Variants in PTPRO observed in about 807,000 individuals in gnomAD.
PTPRO encodes receptor-type tyrosine-protein phosphatase O.
Under a neutral mutation model 145.2 loss-of-function variants are expected in PTPRO, and 62 were observed. That is an observed-to-expected ratio of 0.43 (90% CI 0.35 to 0.53). The LOEUF (loss-of-function observed/expected upper bound fraction) is 0.53. Ranked by LOEUF, PTPRO falls within the 20% of genes least tolerant of loss-of-function variation. The probability of loss-of-function intolerance (pLI) is 0.01; values close to 1 mark genes in which losing one functional copy is unlikely to be tolerated. For missense variants in PTPRO, 1,345 were observed against 1,482.7 expected (o/e 0.91, Z 1.53); for synonymous variants, 565 against 514.7 (o/e 1.10, Z -1.32).
chr12:15,461,340 A>G (rs935942312), intron 1 of PTPRO, among the ~76,000 whole-genome samples: 2 of 152,146 alleles, frequency 1.3e-5, no homozygotes, highest in Non-Finnish European at 2.9e-5. Context: ...AATGTATTTG[A>G]TTGAAGCCTC....
intron 1 of PTPRO, among the ~76,000 whole-genome samples, chr12:15,398,409 C>T (rs952845691): frequency 2.0e-5 from 3 of 151,314 alleles, no homozygotes; most frequent in Non-Finnish European, 2.9e-5. Flanking sequence ...ACCTTCTGAG[C>T]GCAGTGGAGA....
At chr12:15,342,878 G>A (rs1250374605) in intron 1 of PTPRO, among the ~76,000 whole-genome samples, 1 of 152,122 alleles carries the variant, frequency 6.6e-6, no homozygotes, top group Admixed American at 6.5e-5. Context: ...ATAGGTTTCT[G>A]GAATTTCAGT....
intron 1 of PTPRO, among the ~76,000 whole-genome samples, chr12:15,329,810 T>C (rs983388586): frequency 9.2e-5 from 14 of 152,198 alleles, no homozygotes; most frequent in Admixed American, 9.2e-4. Context: ...TGTGGGCTGC[T>C]AGAGGAGAGA....
chr12:15,482,616 C>G (rs144644688), intron 1 of PTPRO, among the ~76,000 whole-genome samples: 1 of 152,108 alleles, frequency 6.6e-6, no homozygotes, highest in African/African-American at 2.4e-5. Flanking sequence ...ATATATGTAT[C>G]AAAATATCAC....
chr12:15,589,942 A>G (rs1301692962), intron 25 of PTPRO, among the ~76,000 whole-genome samples: 1 of 152,164 alleles, frequency 6.6e-6, no homozygotes, highest in Non-Finnish European at 1.5e-5. Flanking sequence ...TTTGATTTAT[A>G]TTTGAAATGT....
chr12:15,415,130 G>T (rs923788154), intron 1 of PTPRO, among the ~76,000 whole-genome samples: 1 of 152,122 alleles, frequency 6.6e-6, no homozygotes, highest in Non-Finnish European at 1.5e-5. Context: ...GACAGAGATG[G>T]CTTGCCAATT....
chr12:15,389,330 A>G (rs1318392479), intron 1 of PTPRO, among the ~76,000 whole-genome samples: 3 of 151,850 alleles, frequency 2.0e-5, no homozygotes. Flanking sequence ...GATGGTCTCG[A>G]TCTCCTTACC....
Position 15,353,366 on chromosome 12 carries a change from C to G in PTPRO, c.75+30565C>G, listed in dbSNP as rs925196574. 1.5e-4 allele frequency among the ~76,000 whole-genome samples: 23 copies of G among 151,854 alleles called. 1 individual carries two copies. Among genetic ancestry groups the G allele is most frequent in the African/African-American group, 4.6e-4 (19 of 41,352 alleles). ...TAAATTATGATACCAGCCATTTAGT[C>G]TGTCCCTAAAGAACTGAGGCTCCTA... On this transcript the variant is annotated intron_variant, in intron 1 of 26. Coordinates refer to ENST00000281171, the MANE Select transcript of PTPRO (RefSeq NM_030667.3).
chr12:15,478,319 G>A (rs571452880), intron 1 of PTPRO, among the ~76,000 whole-genome samples: 1 of 152,302 alleles, frequency 6.6e-6, no homozygotes, highest in East Asian at 1.9e-4. Context: ...TAAGGATACT[G>A]ACAATTGCTT....
At chr12:15,470,721 A>G (rs151175790) in intron 1 of PTPRO, among the ~76,000 whole-genome samples, 1 of 152,310 alleles carries the variant, frequency 6.6e-6, no homozygotes, top group East Asian at 1.9e-4. Context: ...ATTTTAAATT[A>G]ATGCTTAATT....
intron 1 of PTPRO, among the ~76,000 whole-genome samples, chr12:15,468,096 G>A (rs11611838): frequency 0.18 from 27,751 of 151,590 alleles, 3,047 homozygotes; most frequent in South Asian, 0.29. Flanking sequence ...ATTCAAATCC[G>A]TTGTAATTTG....
chr12:15,561,103 G>A (rs12304210), intron 17 of PTPRO, among the ~76,000 whole-genome samples: 8,491 of 152,080 alleles, frequency 0.056, 766 homozygotes, highest in African/African-American at 0.19. Context: ...GCAGTTTCCA[G>A]GGGAACTGAC....
chr12:15,441,377 G>A (rs1281068580), intron 1 of PTPRO, among the ~76,000 whole-genome samples: 1 of 150,806 alleles, frequency 6.6e-6, no homozygotes, highest in Non-Finnish European at 1.5e-5. Flanking sequence ...AAAGTTTATA[G>A]TGCTAAATGC....
At chr12:15,460,105 T>C (rs1941268356) in intron 1 of PTPRO, among the ~76,000 whole-genome samples, 1 of 152,208 alleles carries the variant, frequency 6.6e-6, no homozygotes, top group South Asian at 2.1e-4. Context: ...TGAAAATACT[T>C]CTCAATATTT....
chr12:15,558,316 T>C (rs1007890589), intron 16 of PTPRO, among the ~76,000 whole-genome samples: 2 of 152,224 alleles, frequency 1.3e-5, no homozygotes, highest in East Asian at 1.9e-4. Context: ...CAGCCCAGTA[T>C]TCAGTTCTCA....
intron 1 of PTPRO, among the ~76,000 whole-genome samples, chr12:15,409,825 A>G (rs1455900993): frequency 6.6e-6 from 1 of 152,222 alleles, no homozygotes; most frequent in African/African-American, 2.4e-5. Context: ...GGAGGGTGCT[A>G]AACCCTTCAT....
intron 2 of PTPRO, among the ~76,000 whole-genome samples, chr12:15,496,824 C>A (rs1942117428): frequency 6.6e-6 from 1 of 152,098 alleles, no homozygotes; most frequent in African/African-American, 2.4e-5. Context: ...TGTTACTGGT[C>A]TGTTACTGAT....
At chr12:15,337,189 G>C (rs1354349079) in intron 1 of PTPRO, among the ~76,000 whole-genome samples, 3 of 152,030 alleles carry the variant, frequency 2.0e-5, no homozygotes, top group African/African-American at 7.3e-5. Context: ...AGAGACTTCA[G>C]CAAGACTATC....
chr12:15,497,128 C>G (rs1942122966), intron 2 of PTPRO, 117 bp from the exon 3 acceptor site: 3 of 920,556 alleles, frequency 3.3e-6, no homozygotes, highest in Non-Finnish European at 5.3e-6. Context: ...TGCCCACAGA[C>G]AGTGAAAATT....
Sources: allele counts gnomAD v4.1 joint callset (sites outside exome capture counted in the v4.1 genomes callset), GRCh38; gene constraint gnomAD v4.1.1; transcripts MANE v1.5; gene names NCBI Gene and HGNC (gene_info 2026-07-23, HGNC 2026-07-21).